Variants in SOX6 observed in about 807,000 individuals in gnomAD.
SOX6 encodes the protein transcription factor SOX-6.
In SOX6, 11 loss-of-function variants were observed where a neutral mutation model predicts 97.8. That is an observed-to-expected ratio of 0.11 (90% CI 0.07 to 0.19). The LOEUF (loss-of-function observed/expected upper bound fraction) is 0.19, where lower values mean the gene tolerates loss of function less well. Ranked by LOEUF, SOX6 falls within the 10% of genes least tolerant of loss-of-function variation. The pLI is 1.00. For synonymous variants in SOX6, 360 were observed against 371.4 expected (o/e 0.97, Z 0.35); for missense variants, 810 against 1,039.5 (o/e 0.78, Z 3.04).
intron 15 of SOX6, among the ~76,000 whole-genome samples, chr11:15,981,895 T>A (rs1160264757): frequency 2.0e-5 from 3 of 152,084 alleles, no homozygotes; most frequent in African/African-American, 7.2e-5. Context: ...CTAAGCACTT[T>A]ACAAACAGTA....
At chr11:16,484,106 AG>A in intron 4 of SOX6, 1 of 770,020 alleles carries the variant, frequency 1.3e-6, no homozygotes, top group Non-Finnish European at 2.4e-6. Flanking sequence ...AATGAGGTAC[AG>A]GTGACACTCA....
intron 1 of SOX6, among the ~76,000 whole-genome samples, chr11:16,445,188 T>G (rs1253319404): frequency 6.6e-6 from 1 of 152,138 alleles, no homozygotes; most frequent in Non-Finnish European, 1.5e-5. Context: ...AGATTCACAT[T>G]AAAATACATA....
At chr11:16,261,036 T>G (rs1050883836) in intron 3 of SOX6, among the ~76,000 whole-genome samples, 2 of 152,186 alleles carry the variant, frequency 1.3e-5, no homozygotes, top group African/African-American at 4.8e-5. Flanking sequence ...CTCCTATTCA[T>G]TCAGTTATAA....
chr11:16,361,399 C>T (rs892324257), upstream of SOX6, among the ~76,000 whole-genome samples: 2 of 152,130 alleles, frequency 1.3e-5, no homozygotes, highest in Non-Finnish European at 2.9e-5. Flanking sequence ...GCTATAAACA[C>T]TGGAAAAGAT....
At chr11:16,560,060 G>A (rs977199300) in intron 4 of SOX6, among the ~76,000 whole-genome samples, 2 of 152,138 alleles carry the variant, frequency 1.3e-5, no homozygotes, top group Non-Finnish European at 2.9e-5. Context: ...CTGCCCTTAA[G>A]AGCAATGGCT....
At chr11:16,330,866 C>A (rs1164779656) in intron 2 of SOX6, among the ~76,000 whole-genome samples, 1 of 151,974 alleles carries the variant, frequency 6.6e-6, no homozygotes, top group Non-Finnish European at 1.5e-5. Context: ...CAGAGATGAA[C>A]ACAGGCTTTC....
In SOX6 at chr11:16,356,252, T is replaced by G. The variant is rs1857070348; in HGVS notation, c.-163A>C. On this transcript the variant is annotated 5_prime_UTR_variant, in exon 1 of 16. It removes the in-frame stop codon of an upstream open reading frame in the 5' UTR. Transcript: ENST00000683767. ...AAAAAAACCCAACCCCACAGCTAATTAATCTCTGCCAAGTCTCAGGCTACC... is the reference window on the plus strand; with the variant it reads ...AAAAAAACCCAACCCCACAGCTAATGAATCTCTGCCAAGTCTCAGGCTACC... 6.6e-6 allele frequency among the ~76,000 whole-genome samples: 1 copy of G among 151,218 alleles called. No homozygotes were observed. Among genetic ancestry groups the G allele is most frequent in the South Asian group, 2.1e-4 (1 of 4,804 alleles).
At chr11:16,423,194 G>A (rs1471281087) in intron 1 of SOX6, among the ~76,000 whole-genome samples, 1 of 152,062 alleles carries the variant, frequency 6.6e-6, no homozygotes, top group African/African-American at 2.4e-5. Context: ...GAACAGACAA[G>A]CTCCTCACTC....
intron 4 of SOX6, among the ~76,000 whole-genome samples, chr11:16,225,545 T>G (rs1021624720): frequency 1.3e-5 from 2 of 149,892 alleles, no homozygotes; most frequent in Non-Finnish European, 3.0e-5. Flanking sequence ...TCAAAGTACT[T>G]ACATATACTT....
intron 3 of SOX6, among the ~76,000 whole-genome samples, chr11:16,637,716 C>T (rs1038395979): frequency 5.3e-5 from 8 of 152,018 alleles, no homozygotes; most frequent in African/African-American, 1.7e-4. Context: ...TCCAAGGTCA[C>T]GGATATGTCT....
chr11:16,575,071 A>G (rs1045897189), intron 4 of SOX6, among the ~76,000 whole-genome samples: 1 of 152,030 alleles, frequency 6.6e-6, no homozygotes, highest in Admixed American at 6.6e-5. Flanking sequence ...CAATGACCCA[A>G]TAGAAAAATG....
At chr11:16,592,046 T>C (rs1382821441) in intron 4 of SOX6, among the ~76,000 whole-genome samples, 1 of 152,090 alleles carries the variant, frequency 6.6e-6, no homozygotes, top group Non-Finnish European at 1.5e-5. Context: ...TTCATCTATA[T>C]CTCTTTCTTT....
intron 9 of SOX6, 146 bp downstream of exon 9, chr11:16,095,850 C>A (rs1006885700): frequency 1.1e-6 from 1 of 920,552 alleles, no homozygotes; most frequent in African/African-American, 1.7e-5. Flanking sequence ...AAAAGAAGAG[C>A]CTCCTTAGGA....
Position 16,341,215 on chromosome 11 carries a change from A to G in SOX6, c.34T>C (p.Cys12Arg). ...ATTGCATCCTCTCCATCAGCTGCAC[A>G]GGCAAATGGAGAGGTGGCTTGCTTG... ...SSKQATSPFACAADGEDAMTQ... is the reference protein window; with the variant it reads ...SSKQATSPFARAADGEDAMTQ... Residue 12 changes from cysteine (C) to arginine (R), a missense_variant, in exon 2 of 16, where the codon TGT becomes CGT. Around this residue, in one of 9 missense-constraint regions of SOX6, gnomAD observed 100 missense variants for 94.6 expected, o/e 1.06. Coordinates refer to ENST00000683767, the MANE Select transcript of SOX6 (RefSeq NM_001367873.1). The G allele has an allele frequency of 6.2e-7, 1 of 1,613,420 alleles. No individual in the cohort carries two copies. The highest frequency in any genetic ancestry group is 2.2e-5 in the East Asian group (1 of 44,824).
intron 3 of SOX6, among the ~76,000 whole-genome samples, chr11:16,250,502 A>T (rs1262701911): frequency 2.0e-5 from 3 of 152,160 alleles, no homozygotes; most frequent in Admixed American, 2.0e-4. Flanking sequence ...ATAAAAACAC[A>T]AAAAATATTC....
At chr11:16,080,913 C>A (rs1848459039) in intron 9 of SOX6, among the ~76,000 whole-genome samples, 1 of 151,794 alleles carries the variant, frequency 6.6e-6, no homozygotes, top group Non-Finnish European at 1.5e-5. Flanking sequence ...ATAGGGAGAC[C>A]CTGTCTCTAA....
chr11:15,974,553 A>T (rs1184570673), intron 15 of SOX6, among the ~76,000 whole-genome samples: 18 of 85,934 alleles, frequency 2.1e-4, no homozygotes, highest in African/African-American at 1.0e-3. Flanking sequence ...CCCCGACCCG[A>T]CCACAGTCCC....
At chr11:16,238,023 G>A (rs944545131) in intron 3 of SOX6, among the ~76,000 whole-genome samples, 9 of 151,976 alleles carry the variant, frequency 5.9e-5, no homozygotes, top group East Asian at 1.9e-4. Flanking sequence ...TGCTAAAGTC[G>A]TATTGAAATA....
intron 1 of SOX6, among the ~76,000 whole-genome samples, chr11:16,395,431 G>A (rs906443385): frequency 2.0e-5 from 3 of 151,774 alleles, no homozygotes; most frequent in Non-Finnish European, 2.9e-5. Context: ...CTGATGAAGA[G>A]TGGAAACAGG....
Sources: allele counts gnomAD v4.1 joint callset (sites outside exome capture counted in the v4.1 genomes callset), GRCh38; gene constraint gnomAD v4.1.1; regional missense constraint gnomAD v4.1.1; transcripts MANE v1.5; gene names NCBI Gene and HGNC (gene_info 2026-07-23, HGNC 2026-07-21).